Variants in RASEF observed in about 807,000 individuals in gnomAD.
RASEF encodes the protein RAS and EF-hand domain containing.
In RASEF, 68 loss-of-function variants were observed where a neutral mutation model predicts 90.1. The observed-to-expected ratio is 0.75, with a 90% CI of 0.62 to 0.92. The LOEUF is 0.92. Among genes scored for constraint, RASEF ranks in the 40% least tolerant of loss-of-function variants. The pLI is 0.00. For synonymous variants in RASEF, 331 were observed against 345.2 expected, an observed-to-expected ratio of 0.96 and a Z score of 0.46; for missense variants, 949 against 937.2, an observed-to-expected ratio of 1.01 and a Z score of -0.16.
chr9:83,165,234 CA>C, the RASEF span, among the ~76,000 whole-genome samples: 1 of 152,066 alleles, frequency 6.6e-6, no homozygotes, highest in South Asian at 2.1e-4. Flanking sequence ...GGACATTCAC[CA>C]AAAACAGATC....
chr9:83,042,828 T>TGCTTTTAAAACACAAACAA (rs1461618810), intron 1 of RASEF, among the ~76,000 whole-genome samples: 37 of 152,204 alleles, frequency 2.4e-4, no homozygotes, highest in Non-Finnish European at 5.1e-4. Flanking sequence ...AATTCTAATG[T>TGCTTTTAAAACACAAACAA]ATCTGATAAT....
intron 3 of RASEF, 142 bp downstream of exon 3, chr9:83,022,194 G>A (rs1316170818): frequency 3.0e-6 from 2 of 662,222 alleles, no homozygotes; most frequent in Non-Finnish European, 5.4e-6. Flanking sequence ...ACCACCACCA[G>A]TAAAAATTCC....
the RASEF span, among the ~76,000 whole-genome samples, chr9:83,164,238 G>C: frequency 6.7e-6 from 1 of 149,976 alleles, no homozygotes; most frequent in Non-Finnish European, 1.5e-5. Context: ...AAAAAATGAA[G>C]ATAAAATAAA....
chr9:83,147,043 T>C, the RASEF span, among the ~76,000 whole-genome samples: 7 of 88,578 alleles, frequency 7.9e-5, no homozygotes, highest in Admixed American at 8.1e-4. Context: ...TATATATGTA[T>C]ATATATATAT....
chr9:83,014,742 G>C (rs961494167), intron 4 of RASEF, among the ~76,000 whole-genome samples: 15 of 152,174 alleles, frequency 9.9e-5, no homozygotes, highest in Non-Finnish European at 1.8e-4. Context: ...TGTACCAGCA[G>C]GTGAGAGTCT....
chr9:83,159,117 C>T, the RASEF span, among the ~76,000 whole-genome samples: 19 of 148,398 alleles, frequency 1.3e-4, no homozygotes, highest in Admixed American at 6.9e-4. Flanking sequence ...ACCCAGGAGG[C>T]GGAGCTTGCA....
rs115102999 is a variant in RASEF, at chr9:83,038,306, G to A, written c.432-12385C>T. Among the ~76,000 whole-genome samples the A allele has an allele frequency of 3.2e-3, 484 of 152,058 alleles. 2 individuals carry two copies. Among genetic ancestry groups the A allele is most frequent in the African/African-American group, 0.01 (429 of 41,494 alleles). On this transcript the variant is annotated intron_variant, in intron 1 of 16. Transcript: ENST00000376447. ...AATACCAAGACAAAAAAGAATTTAC[G>A]ATATCCTCCACTTAGAATTTACTCT... is the stretch of plus-strand genomic sequence containing the variant.
At chr9:83,127,020 A>G in the RASEF span, among the ~76,000 whole-genome samples, 1 of 152,206 alleles carries the variant, frequency 6.6e-6, no homozygotes, top group African/African-American at 2.4e-5. Flanking sequence ...TTGTAAGTGA[A>G]TAAAATATAA....
intron 1 of RASEF, among the ~76,000 whole-genome samples, chr9:83,059,375 A>C (rs1456851625): frequency 2.0e-5 from 3 of 152,008 alleles, no homozygotes; most frequent in Non-Finnish European, 2.9e-5. Context: ...AAAAAAAAAA[A>C]AAAGTGAGAG....
chr9:83,217,284 C>T, the RASEF span, among the ~76,000 whole-genome samples: 1 of 152,080 alleles, frequency 6.6e-6, no homozygotes, highest in Non-Finnish European at 1.5e-5. Context: ...TCAGATGAGA[C>T]TTTGGACTGT....
At chr9:82,986,535 C>T (rs1292328857) in intron 16 of RASEF, among the ~76,000 whole-genome samples, 1 of 152,234 alleles carries the variant, frequency 6.6e-6, no homozygotes, top group East Asian at 1.9e-4. Flanking sequence ...ACATTTTCAT[C>T]TGGCCTTCAG....
At chr9:83,087,432 T>TCTCTCTCTCTCTCTCTCTCTCTCC in the RASEF span, among the ~76,000 whole-genome samples, 1 of 151,686 alleles carries the variant, frequency 6.6e-6, no homozygotes, top group African/African-American at 2.4e-5. Context: ...TCTCTCTCTC[T>TCTCTCTCTCTCTCTCTCTCTCTCC]CTCTCTCTGT....
chr9:83,166,344 G>A, the RASEF span, among the ~76,000 whole-genome samples: 1 of 152,142 alleles, frequency 6.6e-6, no homozygotes, highest in African/African-American at 2.4e-5. Flanking sequence ...GGTATGCAAG[G>A]CTGGGAAATC....
chr9:83,082,378 T>G, the RASEF span, among the ~76,000 whole-genome samples: 2 of 152,208 alleles, frequency 1.3e-5, no homozygotes, highest in Non-Finnish European at 2.9e-5. Context: ...TAACAACGCT[T>G]GATTAGCCCT....
chr9:83,056,469 A>G (rs1830106109), intron 1 of RASEF, among the ~76,000 whole-genome samples: 1 of 152,262 alleles, frequency 6.6e-6, no homozygotes, highest in Admixed American at 6.5e-5. Context: ...ATGAAGCAAG[A>G]AGGCATACTG....
chr9:83,016,900 G>C (rs186596871), intron 3 of RASEF, among the ~76,000 whole-genome samples: 2 of 152,116 alleles, frequency 1.3e-5, no homozygotes. Context: ...TTTAACTACT[G>C]TGAGGATTAA....
chr9:83,002,267 C>A (rs745508308), intron 9 of RASEF, among the ~76,000 whole-genome samples: 2 of 152,040 alleles, frequency 1.3e-5, no homozygotes, highest in Non-Finnish European at 2.9e-5. Flanking sequence ...TAAGTGTGAG[C>A]CATGTAAATC....
chr9:83,155,207 T>C, the RASEF span, among the ~76,000 whole-genome samples: 1 of 152,204 alleles, frequency 6.6e-6, no homozygotes, highest in Non-Finnish European at 1.5e-5. Flanking sequence ...TACAGGGCCA[T>C]AAATACATTT....
At chr9:83,055,431 T>C (rs904090592) in intron 1 of RASEF, 19 of 613,344 alleles carry the variant, frequency 3.1e-5, no homozygotes, top group Middle Eastern at 2.9e-4. Flanking sequence ...CACACTGGCC[T>C]GCGCCCACTG....
Sources: gnomAD v4.1 joint callset for allele counts (sites outside exome capture counted in the v4.1 genomes callset) on GRCh38, gnomAD v4.1.1 for gene constraint, MANE v1.5 for transcripts, NCBI Gene and HGNC (gene_info 2026-07-23, HGNC 2026-07-21) for gene names.